NGFR: variants seen among roughly 807,000 people sequenced by gnomAD.
NGFR encodes tumor necrosis factor receptor superfamily member 16.
A neutral mutation model predicts 43.2 loss-of-function variants in NGFR; 30 were observed. The observed-to-expected ratio is 0.69, with a 90% confidence interval of 0.52 to 0.94. The LOEUF (loss-of-function observed/expected upper bound fraction) is 0.94, where lower values mean the gene tolerates loss of function less well. Among genes scored for constraint, NGFR ranks in the 40% least tolerant of loss-of-function variants. NGFR has a pLI of 0.00. For synonymous variants in NGFR, 246 were observed against 259.6 expected, an observed-to-expected ratio of 0.95 and a Z score of 0.50; for missense variants, 529 against 602.5, an observed-to-expected ratio of 0.88 and a Z score of 1.28.
chr17:49,499,128 T>A (rs1029232777), intron 1 of NGFR, among the ~76,000 whole-genome samples: 6 of 152,152 alleles, frequency 3.9e-5, no homozygotes, highest in Admixed American at 6.5e-5. Context: ...ATAGGGAACA[T>A]AAAACAAGGA....
rs538906937 is a variant in NGFR at position 49,514,582 on chromosome 17, A to T, written c.*1573A>T. On this transcript the variant is annotated 3_prime_UTR_variant, in exon 6 of 6. Coordinates refer to ENST00000172229, the MANE Select transcript of NGFR (RefSeq NM_002507.4). The stretch of plus-strand genomic sequence containing the variant: ...GCCCCAGGCAGGCTGTGCGCTGACA[A>T]CCACCGCTCCCCAGCCCAGGGTTCC... 6.6e-6 allele frequency: 1 copy of T among 152,304 alleles called. No individual in the cohort carries two copies. Among genetic ancestry groups the T allele is most frequent in the East Asian group, 1.9e-4 (1 of 5,168 alleles). 9.4% of individuals were successfully genotyped at this position (152,304 alleles called of 1,614,324 possible).
At chr17:49,507,977 C>CA (rs1284935905) in intron 3 of NGFR, among the ~76,000 whole-genome samples, 20 of 152,376 alleles carry the variant, frequency 1.3e-4, no homozygotes, top group African/African-American at 4.3e-4. Context: ...ATAGGGGCTC[C>CA]AACCCACACC....
In NGFR at chr17:49,513,008, G is replaced by A; in HGVS notation, c.1283G>A (p.Ter428=). The change falls in exon 6 of 6, where the codon TGA becomes TAA. Residue 428 remains the stop codon, a stop_retained_variant. Coordinates refer to ENST00000172229, the MANE Select transcript of NGFR (RefSeq NM_002507.4). ...GAGTCCACTGCCACATCCCCGGTGT[G>A]AGCCCAACCGGGGAGCCCCCGCCCC... is the stretch of plus-strand genomic sequence containing the variant. The part of the protein sequence containing the change: ...CSESTATSPV[*] 2.6e-6 allele frequency: 4 copies of A among 1,544,300 alleles called. No individual in the cohort carries two copies. Among genetic ancestry groups the A allele is most frequent in the East Asian group, 2.3e-5 (1 of 43,110 alleles).
At chr17:49,505,521 T>C (rs1050536154) in intron 2 of NGFR, 2 of 152,280 alleles carry the variant, frequency 1.3e-5, no homozygotes, top group African/African-American at 2.4e-5. Flanking sequence ...AAGAATGAGC[T>C]TGGACATCTC....
intron 3 of NGFR, among the ~76,000 whole-genome samples, chr17:49,508,406 G>A (rs1361231435): frequency 2.0e-5 from 3 of 152,176 alleles, no homozygotes; most frequent in Non-Finnish European, 2.9e-5. Flanking sequence ...TGCTCCTGAG[G>A]GAGTGTTCAT....
chr17:49,505,425 T>G (rs2071190878), intron 2 of NGFR, among the ~76,000 whole-genome samples: 1 of 152,214 alleles, frequency 6.6e-6, no homozygotes, highest in Non-Finnish European at 1.5e-5. Flanking sequence ...TTCCCCTCCC[T>G]GTACAAGGAG....
chr17:49,501,999 A>ATGGGGGCGGCCC, intron 1 of NGFR, 64 bp from the exon 2 acceptor site: 1 of 330,984 alleles, frequency 3.0e-6, no homozygotes, highest in Non-Finnish European at 5.9e-6. Flanking sequence ...TCCCCGGAAG[A>ATGGGGGCGGCCC]ACCCCCCCCA....
intron 1 of NGFR, 64 bp from the exon 2 acceptor site, chr17:49,501,999 A>AGGGGCCCCCCCCCCC: frequency 2.7e-4 from 89 of 330,924 alleles, no homozygotes; most frequent in Non-Finnish European, 3.9e-4. Context: ...TCCCCGGAAG[A>AGGGGCCCCCCCCCCC]ACCCCCCCCA....
intron 2 of NGFR, chr17:49,505,712 G>T (rs960566320): frequency 6.6e-6 from 1 of 152,592 alleles, no homozygotes; most frequent in Non-Finnish European, 1.5e-5. Context: ...CTGCAGGTCC[G>T]TCCCCACCCT....
rs1399598614 is a variant in NGFR at position 49,512,708 on chromosome 17, C to T, written c.983C>T (p.Ala328Val). 2 of 1,578,252 alleles carry T rather than the reference C, an allele frequency of 1.3e-6. No homozygotes were observed. Among genetic ancestry groups the T allele is most frequent in the Admixed American group, 1.8e-5 (1 of 56,508 alleles). ...TGACTCTCCTCTGGTTTCTCTGCAGCCCTCAAGGGTGACGGAGGCCTCTAC... is the reference window on the plus strand; with the variant it reads ...TGACTCTCCTCTGGTTTCTCTGCAGTCCTCAAGGGTGACGGAGGCCTCTAC... The part of the protein sequence containing the change: ...QPHTQTASGQ[A>V]LKGDGGLYSS... The change falls in exon 6 of 6, where the codon GCC (alanine) becomes GTC (valine). Residue 328 changes from alanine to valine, a missense_variant and splice_region_variant. Coordinates refer to ENST00000172229, the MANE Select transcript of NGFR (RefSeq NM_002507.4). The surrounding 1 kb of genome is among the most constrained non-coding windows in gnomAD (Gnocchi z 5.2).
chr17:49,499,458 G>C (rs796733748), intron 1 of NGFR, among the ~76,000 whole-genome samples: 34 of 152,310 alleles, frequency 2.2e-4, no homozygotes, highest in African/African-American at 8.2e-4. Flanking sequence ...ACCTAATTAT[G>C]ACCCAGGACA....
chr17:49,511,446 T>G (rs2071231574), intron 4 of NGFR, among the ~76,000 whole-genome samples: 1 of 152,170 alleles, frequency 6.6e-6, no homozygotes, highest in Non-Finnish European at 1.5e-5. Context: ...GATTAGCTGA[T>G]CATTTGTAAC....
intron 3 of NGFR, among the ~76,000 whole-genome samples, chr17:49,507,458 G>A (rs562660464): frequency 1.3e-5 from 2 of 152,212 alleles, no homozygotes; most frequent in African/African-American, 2.4e-5. Flanking sequence ...GTGCATGCTC[G>A]TGGCTGTCAG....
intron 3 of NGFR, among the ~76,000 whole-genome samples, chr17:49,508,915 C>T (rs1246291089): frequency 6.6e-6 from 1 of 152,200 alleles, no homozygotes; most frequent in African/African-American, 2.4e-5. Context: ...CACTCCTTCA[C>T]CCTCTGGCTT....
At position 49,512,781 on chromosome 17, in the gene NGFR, C is replaced by G. The variant is rs776893078; in HGVS notation, c.1056C>G (p.Asn352Lys). ...GGGAGGAGGTGGAGAAGCTTCTCAA[C>G]GGCTCTGCGGGGGACACCTGGCGGC... ...AKREEVEKLL[N>K]GSAGDTWRHL... The change falls in exon 6 of 6, where the codon AAC (asparagine) becomes AAG (lysine). Residue 352 changes from asparagine to lysine, a missense_variant. Coordinates refer to ENST00000172229, the MANE Select transcript of NGFR (RefSeq NM_002507.4). The surrounding 1 kb of genome is among the most constrained non-coding windows in gnomAD (Gnocchi z 5.2). 1.2e-6 allele frequency: 2 copies of G among 1,613,308 alleles called. No homozygotes were observed. The highest frequency in any genetic ancestry group is 1.7e-6 in the Non-Finnish European group (2 of 1,179,926).
chr17:49,510,738 T>A, intron 4 of NGFR, 74 bp downstream of exon 4: 1 of 1,563,760 alleles, frequency 6.4e-7, no homozygotes, highest in Non-Finnish European at 8.7e-7. Flanking sequence ...GACCTTGACC[T>A]GAAAACATAC....
intron 2 of NGFR, among the ~76,000 whole-genome samples, chr17:49,503,111 G>C (rs1023944391): frequency 6.6e-6 from 1 of 152,102 alleles, no homozygotes; most frequent in African/African-American, 2.4e-5. Context: ...GTAGAGATGG[G>C]GTTTTACCAT....
In NGFR at chr17:49,513,047, A is replaced by C. The variant is rs1378971732; in HGVS notation, c.*38A>C. Reference sequence around the variant, plus strand: ...AGCCCCCGCCCCGCCCCACATTCCGACAACCGATGCTCCAGCCAACCCCTG... The same window carrying C: ...AGCCCCCGCCCCGCCCCACATTCCGCCAACCGATGCTCCAGCCAACCCCTG... On this transcript the variant is annotated 3_prime_UTR_variant, in exon 6 of 6. Transcript: ENST00000172229. 2 of 1,468,354 alleles carry C rather than the reference A, an allele frequency of 1.4e-6. No individual in the cohort carries two copies. The highest frequency in any genetic ancestry group is 2.8e-5 in the African/African-American group (2 of 70,994). The allele number at this position is 1,468,354 out of a possible 1,614,324, so 91.0% of individuals were successfully genotyped here.
chr17:49,504,825 G>A (rs2071187665), intron 2 of NGFR, among the ~76,000 whole-genome samples: 1 of 135,426 alleles, frequency 7.4e-6, no homozygotes, highest in South Asian at 2.4e-4. Flanking sequence ...AGGCTGGAGT[G>A]CACTGGTGCA....
Sources: gnomAD v4.1 joint callset for allele counts (sites outside exome capture counted in the v4.1 genomes callset) on GRCh38, gnomAD v4.1.1 for gene constraint, Gnocchi (gnomAD v3.1) non-coding constraint, MANE v1.5 for transcripts, NCBI Gene and HGNC (gene_info 2026-07-23, HGNC 2026-07-21) for gene names.